UBR3: variants seen among roughly 807,000 people sequenced by gnomAD.
The protein encoded by UBR3 is ubiquitin protein ligase E3 component n-recognin 3.
UBR3 carries 85 observed loss-of-function variants against 243.2 expected under a neutral mutation model. The observed-to-expected ratio is 0.35, with a 90% CI of 0.29 to 0.42. The LOEUF (loss-of-function observed/expected upper bound fraction) is 0.42, where lower values mean the gene tolerates loss of function less well. Among genes scored for constraint, UBR3 ranks in the 10% least tolerant of loss-of-function variants. The probability of loss-of-function intolerance (pLI) is 1.00; values close to 1 mark genes in which losing one functional copy is unlikely to be tolerated. For missense variants in UBR3, 1,686 were observed against 2,300.8 expected, an observed-to-expected ratio of 0.73 and a Z score of 5.47; for synonymous variants, 748 against 799.8, an observed-to-expected ratio of 0.94 and a Z score of 1.09.
intron 36 of UBR3, among the ~76,000 whole-genome samples, chr2:170,074,493 C>A (rs779771117): frequency 3.3e-5 from 5 of 152,108 alleles, no homozygotes; most frequent in Non-Finnish European, 7.4e-5. Flanking sequence ...CACCATCTTG[C>A]TTGCCTTTCC....
chr2:169,856,967 C>T (rs1343879074), intron 1 of UBR3, among the ~76,000 whole-genome samples: 5 of 150,448 alleles, frequency 3.3e-5, no homozygotes, highest in Non-Finnish European at 7.4e-5. Flanking sequence ...TCTTTTTTGG[C>T]CTGTGTGTTA....
chr2:169,977,324 G>C (rs1315893989), intron 24 of UBR3, among the ~76,000 whole-genome samples: 4 of 152,132 alleles, frequency 2.6e-5, no homozygotes, highest in African/African-American at 9.7e-5. Context: ...ATATATGAAA[G>C]GGAGTTTACT....
At chr2:170,050,079 A>G (rs2091182276) in intron 32 of UBR3, among the ~76,000 whole-genome samples, 1 of 152,224 alleles carries the variant, frequency 6.6e-6, no homozygotes, top group African/African-American at 2.4e-5. Context: ...ACCAGCATTT[A>G]CTACCCTATT....
In UBR3 at chr2:170,081,929, AACAC is replaced by A. The variant is rs1366896708; in HGVS notation, c.*87_*90del. 4.1e-6 allele frequency: 4 copies of A among 980,260 alleles called. No homozygotes were observed. Among genetic ancestry groups the A allele is most frequent in the Non-Finnish European group, 5.8e-6 (4 of 695,242 alleles). 60.7% of individuals were successfully genotyped at this position (980,260 alleles called of 1,614,324 possible). On this transcript the variant is annotated 3_prime_UTR_variant, in exon 39 of 39. Coordinates refer to ENST00000272793, the MANE Select transcript of UBR3 (RefSeq NM_172070.4). The stretch of plus-strand genomic sequence containing the variant: ...AAGCTTTAACTTAATTTGGGGGATT[AACAC>A]TTTTGCTGAGGGAGAAAAAGAAAAC...
chr2:169,880,051 A>G (rs2083763157), intron 5 of UBR3, among the ~76,000 whole-genome samples: 1 of 152,144 alleles, frequency 6.6e-6, no homozygotes, highest in Non-Finnish European at 1.5e-5. Context: ...ATTTTGCTCT[A>G]AGAGCATTTT....
rs1376596822 is a variant in UBR3, at chr2:169,957,383, T to C, written c.3546-1055T>C. On this transcript the variant is annotated intron_variant, in intron 23 of 38. Transcript: ENST00000272793. The stretch of plus-strand genomic sequence containing the variant: ...TACACTGTGGAATACTATGCAGCCA[T>C]AAAAAAGGATGAGTTCATGTCCTTC... Among the ~76,000 whole-genome samples, 4 of 151,656 alleles carry C rather than the reference T, an allele frequency of 2.6e-5. No homozygotes were observed. In the East Asian group the frequency reaches 7.8e-4, roughly 30 times the overall value.
At chr2:170,043,618 A>G (rs1014277840) in intron 32 of UBR3, among the ~76,000 whole-genome samples, 9 of 152,178 alleles carry the variant, frequency 5.9e-5, no homozygotes, top group East Asian at 3.8e-4. Context: ...AATTCAATAA[A>G]TTCATTGCTT....
chr2:169,858,802 G>A (rs2082981739), intron 1 of UBR3, among the ~76,000 whole-genome samples: 1 of 151,998 alleles, frequency 6.6e-6, no homozygotes, highest in Non-Finnish European at 1.5e-5. Flanking sequence ...GTTTCACCAT[G>A]TTGGCCAGGC....
chr2:169,922,884 A>G (rs1276542131), intron 11 of UBR3, among the ~76,000 whole-genome samples: 1 of 152,202 alleles, frequency 6.6e-6, no homozygotes, highest in African/African-American at 2.4e-5. Context: ...GAAAAAAATA[A>G]TTATTTCAGG....
rs965229658 is a variant in UBR3, at chr2:169,928,904, T to C, written c.2566+36T>C. On this transcript the variant is annotated intron_variant, in intron 18 of 38. Transcript: ENST00000272793. ...ATACATAAATGGACTCTTTCAAATA[T>C]CAGTTCTTGAATGGTGAATTCTTCT... is the stretch of plus-strand genomic sequence containing the variant. The C allele has an allele frequency of 8.2e-6, 11 of 1,338,414 alleles. No homozygotes were observed. In the Admixed American group the frequency reaches 2.3e-4, roughly 28 times the overall value. The allele number at this position is 1,338,414 out of a possible 1,614,324, so 82.9% of individuals were successfully genotyped here.
At chr2:169,946,189 G>C (rs1408790702) in intron 20 of UBR3, 99 bp from the exon 21 acceptor site, 3 of 605,154 alleles carry the variant, frequency 5.0e-6, no homozygotes, top group African/African-American at 2.0e-5. Context: ...AGATATTAAA[G>C]TACTTTTCGT....
chr2:169,961,325 G>A (rs1201859893), intron 24 of UBR3, among the ~76,000 whole-genome samples: 4 of 151,306 alleles, frequency 2.6e-5, no homozygotes, highest in Non-Finnish European at 5.9e-5. Flanking sequence ...TTTTATTGGG[G>A]TACCAATTCA....
chr2:170,016,582 T>A (rs1479907843), intron 30 of UBR3, among the ~76,000 whole-genome samples: 1 of 151,948 alleles, frequency 6.6e-6, no homozygotes, highest in Admixed American at 6.6e-5. Context: ...GTTAATTTGT[T>A]ATTAATTGAT....
Position 169,906,039 on chromosome 2 carries a change from T to G in UBR3, c.1654T>G (p.Leu552Val). The change falls in exon 10 of 39, where the codon TTA becomes GTA. Residue 552 changes from leucine to valine, a missense_variant. Leu to Val is a conservative substitution (Grantham distance 32, BLOSUM62 1). Around this residue, in one of 8 missense-constraint regions of UBR3, gnomAD observed 346 missense variants for 585.8 expected, o/e 0.59. Transcript: ENST00000272793. Reference sequence around the variant, plus strand: ...GCTTTAATTTTTGCCAGGTATGAACTTAAACAAGCGAGAACTAAACGAGCA... The same window carrying G: ...GCTTTAATTTTTGCCAGGTATGAACGTAAACAAGCGAGAACTAAACGAGCA... ...NFVSFFQGMN[L>V]NKRELNEHVE... is the part of the protein sequence containing the mutation. 1 of 1,550,710 alleles carries G rather than the reference T, an allele frequency of 6.4e-7. No homozygotes were observed.
chr2:169,867,278 T>C (rs2083292670), intron 1 of UBR3, among the ~76,000 whole-genome samples: 1 of 152,204 alleles, frequency 6.6e-6, no homozygotes. Context: ...TTCTCCAAAA[T>C]AGTATTTATA....
Position 169,992,402 on chromosome 2 carries a change from G to A in UBR3, c.3785-1921G>A, listed in dbSNP as rs192007274. Among the ~76,000 whole-genome samples the A allele has an allele frequency of 2.3e-4, 35 of 152,222 alleles. No individual in the cohort carries two copies. The East Asian group carries it at 6.4e-3, about 28-fold the overall frequency. The stretch of plus-strand genomic sequence containing the variant: ...GTGAACACTTCCCAACTTATTCAGA[G>A]GCTAGCATTCTATGAGGCTAGCTTT... On this transcript the variant is annotated intron_variant, in intron 25 of 38. Coordinates refer to ENST00000272793, the MANE Select transcript of UBR3 (RefSeq NM_172070.4).
At chr2:170,037,113 A>G (rs185872829) in intron 31 of UBR3, among the ~76,000 whole-genome samples, 4 of 152,262 alleles carry the variant, frequency 2.6e-5, no homozygotes, top group African/African-American at 9.6e-5. Flanking sequence ...ACCAAGTAGT[A>G]TTTTTAGTGA....
chr2:169,968,382 C>A (rs1259137679), intron 24 of UBR3, among the ~76,000 whole-genome samples: 5 of 152,186 alleles, frequency 3.3e-5, no homozygotes, highest in Non-Finnish European at 5.9e-5. Flanking sequence ...TGGTAACCAT[C>A]ATTTTGCTGT....
At chr2:169,891,368 A>AATAAC in intron 6 of UBR3, 137 bp downstream of exon 6, 1 of 577,824 alleles carries the variant, frequency 1.7e-6, no homozygotes, top group Non-Finnish European at 3.0e-6. Context: ...AGATTTATCT[A>AATAAC]ATAAGTCTTG....
Sources: allele counts gnomAD v4.1 joint callset (sites outside exome capture counted in the v4.1 genomes callset), GRCh38; gene constraint gnomAD v4.1.1; regional missense constraint gnomAD v4.1.1; transcripts MANE v1.5; gene names NCBI Gene and HGNC (gene_info 2026-07-23, HGNC 2026-07-21).